The following KCNQ1 variants were observed in gnomAD, a reference collection of about 807,000 sequenced individuals.
KCNQ1 encodes the protein potassium voltage-gated channel subfamily Q member 1.
In KCNQ1, 49 loss-of-function variants were observed where a neutral mutation model predicts 72.4. The observed-to-expected ratio is 0.68, with a 90% CI of 0.54 to 0.86. The LOEUF is 0.86. KCNQ1 is among the 40% of genes least tolerant of loss of function. The probability of loss-of-function intolerance (pLI) is 0.00; values close to 1 mark genes in which losing one functional copy is unlikely to be tolerated. For missense variants in KCNQ1, 790 were observed against 945.1 expected (o/e 0.84, Z 2.15); for synonymous variants, 450 against 412.6 (o/e 1.09, Z -1.10).
intron 11 of KCNQ1, among the ~76,000 whole-genome samples, chr11:2,726,186 C>T (rs973944894): frequency 1.3e-5 from 2 of 152,230 alleles, no homozygotes; most frequent in African/African-American, 2.4e-5. Flanking sequence ...GGCAGAGGAG[C>T]AGGCCAAGGG....
chr11:2,469,569 C>T (rs1846409848), intron 1 of KCNQ1, among the ~76,000 whole-genome samples: 1 of 152,106 alleles, frequency 6.6e-6, no homozygotes, highest in Admixed American at 6.5e-5. Context: ...CGGCTCCCGG[C>T]CGAGATGTTA....
intron 2 of KCNQ1, among the ~76,000 whole-genome samples, chr11:2,561,884 G>A (rs1176006798): frequency 6.6e-6 from 1 of 152,086 alleles, no homozygotes; most frequent in East Asian, 1.9e-4. Context: ...GGCCTCAGGA[G>A]GGACACAGAG....
At chr11:2,792,213 C>G (rs1344034970) in intron 15 of KCNQ1, among the ~76,000 whole-genome samples, 1 of 152,172 alleles carries the variant, frequency 6.6e-6, no homozygotes, top group Non-Finnish European at 1.5e-5. Flanking sequence ...TGGGCCTGAA[C>G]CCCTCTCCAC....
intron 11 of KCNQ1, among the ~76,000 whole-genome samples, chr11:2,736,559 C>G (rs957441656): frequency 1.3e-5 from 2 of 152,142 alleles, no homozygotes; most frequent in African/African-American, 2.4e-5. Flanking sequence ...TGGAGCTGGA[C>G]CCTTGAGGGA....
chr11:2,454,460 GATTTCA>G (rs1393441329), intron 1 of KCNQ1, among the ~76,000 whole-genome samples: 2 of 152,180 alleles, frequency 1.3e-5, no homozygotes, highest in African/African-American at 4.8e-5. Context: ...CAGAAGGACT[GATTTCA>G]GGTGACATAT....
At chr11:2,607,282 C>A (rs1403240631) in intron 10 of KCNQ1, among the ~76,000 whole-genome samples, 11 of 152,112 alleles carry the variant, frequency 7.2e-5, no homozygotes, top group Non-Finnish European at 1.0e-4. Flanking sequence ...AGGGCTTTTT[C>A]TCCCATCATG....
intron 14 of KCNQ1, chr11:2,777,758 C>A: frequency 1.6e-6 from 1 of 626,076 alleles, no homozygotes; most frequent in Non-Finnish European, 2.9e-6. Context: ...GAGCGTGGAG[C>A]AGGATGGAGC....
Position 2,695,546 on chromosome 11 carries a change from G to A in KCNQ1, c.1514+33465G>A. The stretch of plus-strand genomic sequence containing the variant: ...CCAGCTCCAACTGCCCACCCCTATG[G>A]GCCATGCTGCCCTGAGCATGCACAC... On this transcript the variant is annotated intron_variant, in intron 11 of 15. Coordinates refer to ENST00000155840, the MANE Select transcript of KCNQ1 (RefSeq NM_000218.3). The surrounding 1 kb of genome is among the most constrained non-coding windows in gnomAD (Gnocchi z 5.2). 1 of 398,504 alleles carries A rather than the reference G, an allele frequency of 2.5e-6. No individual in the cohort carries two copies. Among genetic ancestry groups the A allele is most frequent in the Non-Finnish European group, 4.4e-6 (1 of 226,086 alleles). 24.7% of individuals were successfully genotyped at this position (398,504 alleles called of 1,614,324 possible).
rs1589952028 is a variant in KCNQ1, at chr11:2,562,034, G to A, written c.478-8594G>A. On this transcript the variant is annotated intron_variant, in intron 2 of 15. Transcript: ENST00000155840. The surrounding 1 kb of genome is among the most constrained non-coding windows in gnomAD (Gnocchi z 7.5). ...TAAGGGGACACTTGGCAGGGGAGGGGCTGTGGCAGGGCAGGGTCATGTCCC... is the reference window on the plus strand; with the variant it reads ...TAAGGGGACACTTGGCAGGGGAGGGACTGTGGCAGGGCAGGGTCATGTCCC... 6.6e-6 allele frequency among the ~76,000 whole-genome samples: 1 copy of A among 152,178 alleles called. No homozygotes were observed. Among genetic ancestry groups the A allele is most frequent in the Non-Finnish European group, 1.5e-5 (1 of 68,008 alleles).
At chr11:2,555,049 C>T (rs1848048279) in intron 2 of KCNQ1, among the ~76,000 whole-genome samples, 1 of 152,200 alleles carries the variant, frequency 6.6e-6, no homozygotes, top group African/African-American at 2.4e-5. Context: ...TTAATAACCG[C>T]AGGCCTTCCT....
At chr11:2,629,949 C>T (rs1369829369) in intron 10 of KCNQ1, 5 of 398,274 alleles carry the variant, frequency 1.3e-5, no homozygotes, top group African/African-American at 8.2e-5. Flanking sequence ...CTAGGACTTC[C>T]AGTACTGTGT....
At chr11:2,731,661 C>T (rs1845860553) in intron 11 of KCNQ1, among the ~76,000 whole-genome samples, 2 of 152,224 alleles carry the variant, frequency 1.3e-5, no homozygotes, top group South Asian at 4.1e-4. Context: ...CTAGAATCAC[C>T]CCCAGCAGCG....
intron 11 of KCNQ1, among the ~76,000 whole-genome samples, chr11:2,742,022 C>T (rs76941071): frequency 0.012 from 1,772 of 152,330 alleles, 65 homozygotes; most frequent in East Asian, 0.1. Context: ...TATGAGTCAG[C>T]GTTGACTGTT....
rs1850034790 is a variant in KCNQ1 at position 2,664,802 on chromosome 11, T to A, written c.1514+2721T>A. On this transcript the variant is annotated intron_variant, in intron 11 of 15. Transcript: ENST00000155840. This position sits in a 1 kb window ranked among gnomAD's most constrained non-coding sequence, Gnocchi z 5.1. The stretch of plus-strand genomic sequence containing the variant: ...TGGGAGGCAGTTACCAAAAAACATT[T>A]CCATTTTTCTTCAGCATTCTACTGA... 5 of 398,592 alleles carry A rather than the reference T, an allele frequency of 1.3e-5. No homozygotes were observed. Among genetic ancestry groups the A allele is most frequent in the African/African-American group, 1.0e-4 (5 of 48,618 alleles). The allele number at this position is 398,592 out of a possible 1,614,324, so 24.7% of individuals were successfully genotyped here. A position where few individuals can be genotyped will look rare whatever the true frequency, so the allele number is the denominator to read the frequency against.
At chr11:2,758,501 C>T (rs913275787) in intron 11 of KCNQ1, among the ~76,000 whole-genome samples, 2 of 152,192 alleles carry the variant, frequency 1.3e-5, no homozygotes, top group African/African-American at 4.8e-5. Flanking sequence ...GTGGTCGTTT[C>T]TTATAAAAGT....
intron 15 of KCNQ1, among the ~76,000 whole-genome samples, chr11:2,797,800 G>A (rs1402139049): frequency 1.3e-5 from 2 of 152,018 alleles, no homozygotes; most frequent in African/African-American, 4.8e-5. Context: ...TGACCACATG[G>A]CCTTCGGCAC....
Position 2,775,999 on chromosome 11 carries a change from C to T in KCNQ1, c.1630C>T (p.Gln544Ter). 6.4e-7 allele frequency: 1 copy of T among 1,572,770 alleles called. No individual in the cohort carries two copies. The highest frequency in any genetic ancestry group is 8.6e-7 in the Non-Finnish European group (1 of 1,159,318). ...TTACGATGTGCGGGACGTCATTGAG[C>T]AGTACTCGCAGGGCCACCTCAACCT... The part of the protein sequence containing the change: ...KPYDVRDVIE[Q>*]YSQGHLNLMV... Residue 544 changes from glutamine (Q) to a stop codon, truncating the protein, a stop_gained, in exon 13 of 16, where the codon CAG becomes TAG. Transcript: ENST00000155840. LOFTEE classifies it high-confidence loss of function.
In KCNQ1 at chr11:2,668,404, C is replaced by T. The variant is rs56113342; in HGVS notation, c.1514+6323C>T. 2.5e-6 allele frequency: 1 copy of T among 398,482 alleles called. No individual in the cohort carries two copies. The highest frequency in any genetic ancestry group is 4.4e-6 in the Non-Finnish European group (1 of 226,076). 24.7% of individuals were successfully genotyped at this position (398,482 alleles called of 1,614,324 possible). On this transcript the variant is annotated intron_variant, in intron 11 of 15. Transcript: ENST00000155840. This position sits in a 1 kb window ranked among gnomAD's most constrained non-coding sequence, Gnocchi z 4.3. ...CCAGCAGTCTACCAAAGGAGTCATT[C>T]CAATTTTCATTCCCACAGGCAGCAT... is the stretch of plus-strand genomic sequence containing the variant.
chr11:2,490,997 C>T (rs777594857), intron 1 of KCNQ1, among the ~76,000 whole-genome samples: 9 of 152,210 alleles, frequency 5.9e-5, no homozygotes, highest in Admixed American at 1.3e-4. Flanking sequence ...TGAGCCACTG[C>T]GCCTGGCCCC....
Sources: allele counts gnomAD v4.1 joint callset (sites outside exome capture counted in the v4.1 genomes callset), GRCh38; gene constraint gnomAD v4.1.1; non-coding constraint Gnocchi (gnomAD v3.1); transcripts MANE v1.5; gene names NCBI Gene and HGNC (gene_info 2026-07-23, HGNC 2026-07-21).